Variants in DPYD observed in about 807,000 individuals in gnomAD.
DPYD encodes dihydropyrimidine dehydrogenase.
Under a neutral mutation model 116.2 loss-of-function variants are expected in DPYD, and 109 were observed. That is an observed-to-expected ratio of 0.94 (90% CI 0.80 to 1.10). The LOEUF is 1.10. Ranked by LOEUF, DPYD falls within the 50% of genes least tolerant of loss-of-function variation. DPYD has a pLI of 0.00. For synonymous variants in DPYD, 440 were observed against 432.0 expected (o/e 1.02, Z -0.23); for missense variants, 1,302 against 1,254.5 (o/e 1.04, Z -0.57).
chr1:97,466,676 TG>T (rs1677341345), intron 13 of DPYD, among the ~76,000 whole-genome samples: 1 of 152,020 alleles, frequency 6.6e-6, no homozygotes, highest in Non-Finnish European at 1.5e-5. Context: ...TGGGGCTAAA[TG>T]GGAAGTTATG....
chr1:97,717,389 A>C (rs1662674049), intron 5 of DPYD, among the ~76,000 whole-genome samples: 3 of 152,068 alleles, frequency 2.0e-5, no homozygotes, highest in African/African-American at 7.2e-5. Flanking sequence ...TTCATCTACA[A>C]TTGCTTGTCA....
intron 10 of DPYD, among the ~76,000 whole-genome samples, chr1:97,589,303 T>TGG (rs1654352939): frequency 6.6e-6 from 1 of 152,178 alleles, no homozygotes; most frequent in Admixed American, 6.5e-5. Flanking sequence ...CCCACTCAAT[T>TGG]CTCATTTTGA....
chr1:97,518,608 C>T (rs181544937), intron 12 of DPYD, among the ~76,000 whole-genome samples: 13 of 152,242 alleles, frequency 8.5e-5, no homozygotes, highest in Admixed American at 8.5e-4. Flanking sequence ...TGCTCTTACA[C>T]TTTAACCTCA....
intron 20 of DPYD, among the ~76,000 whole-genome samples, chr1:97,123,973 T>C (rs989047424): frequency 6.6e-6 from 1 of 152,262 alleles, no homozygotes; most frequent in Non-Finnish European, 1.5e-5. Flanking sequence ...TGGTCTGCCA[T>C]TGTGAAGTTC....
chr1:97,760,948 CT>C (rs1665542075), intron 3 of DPYD, among the ~76,000 whole-genome samples: 1 of 152,074 alleles, frequency 6.6e-6, no homozygotes, highest in South Asian at 2.1e-4. Flanking sequence ...GAAAGTCGTG[CT>C]AATTAGGATA....
intron 14 of DPYD, among the ~76,000 whole-genome samples, chr1:97,438,362 C>A (rs1459365382): frequency 2.6e-5 from 4 of 151,996 alleles, no homozygotes; most frequent in Non-Finnish European, 5.9e-5. Context: ...ACAGTATATT[C>A]TTCCATTTAT....
chr1:97,626,995 G>A (rs1656970815), intron 8 of DPYD, among the ~76,000 whole-genome samples: 1 of 151,938 alleles, frequency 6.6e-6, no homozygotes, highest in African/African-American at 2.4e-5. Flanking sequence ...ATAGTTCTAG[G>A]AGCTGGAAAT....
chr1:97,231,273 C>T (rs1362275395), intron 19 of DPYD, among the ~76,000 whole-genome samples: 1 of 152,126 alleles, frequency 6.6e-6, no homozygotes, highest in Non-Finnish European at 1.5e-5. Flanking sequence ...AGGCAATATG[C>T]CCAGTTGGAA....
At chr1:97,729,463 C>T (rs1425336797) in intron 4 of DPYD, among the ~76,000 whole-genome samples, 1 of 152,012 alleles carries the variant, frequency 6.6e-6, no homozygotes, top group Non-Finnish European at 1.5e-5. Context: ...CCACTCTACC[C>T]CTTTAGGCTT....
rs561428089 is a variant in DPYD, at chr1:97,578,960, T to C, written c.1129-4990A>G. Among the ~76,000 whole-genome samples, 36 of 152,318 alleles carry C rather than the reference T, an allele frequency of 2.4e-4. No homozygotes were observed. The South Asian group carries it at 7.2e-3, about 31-fold the overall frequency. On this transcript the variant is annotated intron_variant, in intron 10 of 22. Coordinates refer to ENST00000370192, the MANE Select transcript of DPYD (RefSeq NM_000110.4). ...ATACACAGAACATATTATCTTAAGA[T>C]ACAAAATTTAAAAACTAACAGAATT...
chr1:97,547,443 G>A (rs762040326), intron 12 of DPYD, among the ~76,000 whole-genome samples: 3 of 152,254 alleles, frequency 2.0e-5, no homozygotes, highest in Non-Finnish European at 2.9e-5. Flanking sequence ...AAAGACTGGA[G>A]CCTGAACCAC....
chr1:97,741,263 C>T (rs1342349688), intron 3 of DPYD, among the ~76,000 whole-genome samples: 2 of 152,154 alleles, frequency 1.3e-5, no homozygotes, highest in African/African-American at 4.8e-5. Flanking sequence ...TTTGCTCAGT[C>T]CCACTTCCTT....
chr1:97,433,125 A>T (rs1438224390), intron 14 of DPYD, among the ~76,000 whole-genome samples: 1 of 152,106 alleles, frequency 6.6e-6, no homozygotes, highest in Non-Finnish European at 1.5e-5. Context: ...ACAACTAGTG[A>T]AGGCCTAGAA....
At position 97,625,787 on chromosome 1, in the gene DPYD, A is replaced by G. The variant is rs115465705; in HGVS notation, c.851-30621T>C. Among the ~76,000 whole-genome samples, 248 of 151,986 alleles carry G rather than the reference A, an allele frequency of 1.6e-3. 2 individuals carry two copies. The highest frequency in any genetic ancestry group is 5.8e-3 in the African/African-American group (240 of 41,494). ...TGCCTCCAGAACTGTGAGAAAATAA[A>G]TTTCTGTTTTAAGCCACCCTGTCTG... On this transcript the variant is annotated intron_variant, in intron 8 of 22. Transcript: ENST00000370192.
At chr1:97,300,170 A>G (rs1666775158) in intron 18 of DPYD, among the ~76,000 whole-genome samples, 2 of 152,144 alleles carry the variant, frequency 1.3e-5, no homozygotes, top group South Asian at 4.1e-4. Context: ...ATAACAGGCC[A>G]GATTTTTTGC....
At chr1:97,488,655 AC>A (rs1266034931) in intron 13 of DPYD, among the ~76,000 whole-genome samples, 12 of 152,108 alleles carry the variant, frequency 7.9e-5, no homozygotes, top group Non-Finnish European at 1.3e-4. Flanking sequence ...CCCAATTGAG[AC>A]CTAGCTAAAA....
At chr1:97,558,503 G>A (rs1651909508) in intron 11 of DPYD, among the ~76,000 whole-genome samples, 1 of 152,162 alleles carries the variant, frequency 6.6e-6, no homozygotes, top group South Asian at 2.1e-4. Flanking sequence ...GACTAGGGAA[G>A]AATGGGCACA....
intron 15 of DPYD, among the ~76,000 whole-genome samples, chr1:97,374,539 T>C (rs540400597): frequency 6.4e-4 from 97 of 151,656 alleles, no homozygotes; most frequent in African/African-American, 2.3e-3. Context: ...GCTAACACAG[T>C]GAAACTCCGT....
intron 5 of DPYD, among the ~76,000 whole-genome samples, chr1:97,711,617 CTA>C (rs985414039): frequency 2.6e-5 from 4 of 151,886 alleles, no homozygotes; most frequent in African/African-American, 9.7e-5. Context: ...TGCATTCGTT[CTA>C]TGTTAGGCTC....
Sources: gnomAD v4.1 joint callset for allele counts (sites outside exome capture counted in the v4.1 genomes callset) on GRCh38, gnomAD v4.1.1 for gene constraint, MANE v1.5 for transcripts, NCBI Gene and HGNC (gene_info 2026-07-23, HGNC 2026-07-21) for gene names.